Variants in NCAM1 observed in about 807,000 individuals in gnomAD.
NCAM1 encodes the protein neural cell adhesion molecule 1, also known as antigen recognized by monoclonal antibody 5.1H11.
NCAM1 carries 14 observed loss-of-function variants against 109.8 expected under a neutral mutation model. The ratio of observed to expected loss-of-function variants is 0.13; its 90% CI spans 0.08 to 0.20. NCAM1 has a LOEUF of 0.20. NCAM1 is among the 10% of genes least tolerant of loss of function. The pLI, the probability that NCAM1 is intolerant of heterozygous loss-of-function variation, is 1.00. For missense variants in NCAM1, 774 were observed against 1,109.9 expected, an observed-to-expected ratio of 0.70 and a Z score of 4.30; for synonymous variants, 418 against 442.9, an observed-to-expected ratio of 0.94 and a Z score of 0.70.
At chr11:113,168,489 C>G (rs1219021321) in intron 1 of NCAM1, among the ~76,000 whole-genome samples, 1 of 152,162 alleles carries the variant, frequency 6.6e-6, no homozygotes, top group Non-Finnish European at 1.5e-5. Flanking sequence ...TGCCTTATGA[C>G]AAAAGAAGGG....
intron 14 of NCAM1, among the ~76,000 whole-genome samples, chr11:113,241,291 T>C (rs569447142): frequency 6.6e-6 from 1 of 152,374 alleles, no homozygotes; most frequent in East Asian, 1.9e-4. Context: ...GGGAGGCCTG[T>C]AGCTTTCGCT....
chr11:113,068,619 G>C (rs12272878), intron 1 of NCAM1, among the ~76,000 whole-genome samples: 1 of 152,096 alleles, frequency 6.6e-6, no homozygotes, highest in Non-Finnish European at 1.5e-5. Flanking sequence ...TTAATTCCAC[G>C]GTCTAATCCT....
chr11:113,198,001 T>C (rs987817442), intron 1 of NCAM1, among the ~76,000 whole-genome samples: 2 of 152,188 alleles, frequency 1.3e-5, no homozygotes, highest in Non-Finnish European at 2.9e-5. Context: ...CTAAAAGAGT[T>C]GGCATTCCTT....
chr11:113,154,775 T>G (rs1470802655), intron 1 of NCAM1, among the ~76,000 whole-genome samples: 2 of 151,982 alleles, frequency 1.3e-5, no homozygotes, highest in Admixed American at 1.3e-4. Flanking sequence ...AATTGTAAGG[T>G]CATGAGGATA....
chr11:113,099,685 A>G (rs1043172529), intron 1 of NCAM1, among the ~76,000 whole-genome samples: 7 of 152,002 alleles, frequency 4.6e-5, no homozygotes, highest in African/African-American at 1.4e-4. Context: ...TTATGTATTT[A>G]TTTTTATTTA....
chr11:113,208,552 T>A (rs1944305791), intron 7 of NCAM1, among the ~76,000 whole-genome samples: 1 of 151,914 alleles, frequency 6.6e-6, no homozygotes, highest in Admixed American at 6.6e-5. Flanking sequence ...AGCTGCCTTC[T>A]TCTGATCCAC....
chr11:113,187,541 C>G (rs1169740881), intron 1 of NCAM1, among the ~76,000 whole-genome samples: 1 of 142,200 alleles, frequency 7.0e-6, no homozygotes, highest in African/African-American at 2.6e-5. Context: ...CACTGAGGAT[C>G]TGTGTGTGTG....
intron 1 of NCAM1, among the ~76,000 whole-genome samples, chr11:113,137,592 C>T (rs1283707185): frequency 1.3e-5 from 2 of 152,162 alleles, no homozygotes; most frequent in East Asian, 3.8e-4. Context: ...TCTTCAAAGA[C>T]TGATTTTGGC....
At chr11:113,222,506 G>T (rs1488842172) in intron 9 of NCAM1, among the ~76,000 whole-genome samples, 3 of 152,204 alleles carry the variant, frequency 2.0e-5, no homozygotes, top group African/African-American at 7.2e-5. Flanking sequence ...ACTGTTAAGT[G>T]CACAGCCTCA....
chr11:112,974,866 C>T (rs7944570), intron 1 of NCAM1, among the ~76,000 whole-genome samples: 1 of 151,534 alleles, frequency 6.6e-6, no homozygotes, highest in African/African-American at 2.4e-5. Context: ...TTAGTGGTAT[C>T]AGAGGCTCTA....
chr11:113,126,324 T>C (rs1229002990), intron 1 of NCAM1, among the ~76,000 whole-genome samples: 2 of 151,002 alleles, frequency 1.3e-5, no homozygotes, highest in African/African-American at 4.8e-5. Flanking sequence ...AGCTCTGGTC[T>C]CTGTGCCACT....
At chr11:113,062,046 T>C (rs1210197379) in intron 1 of NCAM1, among the ~76,000 whole-genome samples, 1 of 152,212 alleles carries the variant, frequency 6.6e-6, no homozygotes, top group Non-Finnish European at 1.5e-5. Flanking sequence ...GTCATCTGCC[T>C]GGAAGGTGGG....
intron 1 of NCAM1, among the ~76,000 whole-genome samples, chr11:113,144,019 G>C (rs1438243435): frequency 2.0e-5 from 3 of 152,188 alleles, no homozygotes; most frequent in African/African-American, 7.2e-5. Context: ...TGTGATAAGT[G>C]GGATCAATAT....
chr11:113,237,929 GATATATAGATAT>G lies in NCAM1; in HGVS notation c.1825+2781_1825+2792del, dbSNP rs1491082947. On this transcript the variant is annotated intron_variant, in intron 14 of 19. Coordinates refer to ENST00000316851, the MANE Select transcript of NCAM1 (RefSeq NM_181351.5). Reference sequence around the variant, plus strand: ...AGATATATATAGATATATAGATATAGATATATAGATATATATATAGATATATAGATAGATAGA... The same window carrying G: ...AGATATATATAGATATATAGATATAGATATATAGATATATAGATAGATAGA... 3.3e-4 allele frequency among the ~76,000 whole-genome samples: 6 copies of G among 18,426 alleles called. No homozygotes were observed. The East Asian group carries it at 0.041, about 124-fold the overall frequency. 12.1% of individuals were successfully genotyped at this position (18,426 alleles called of 152,430 possible).
chr11:113,231,031 C>G (rs893214982), intron 9 of NCAM1, among the ~76,000 whole-genome samples: 8 of 152,300 alleles, frequency 5.3e-5, no homozygotes, highest in Non-Finnish European at 8.8e-5. Flanking sequence ...GAGAGAGAAC[C>G]CAGTTACTCT....
intron 1 of NCAM1, among the ~76,000 whole-genome samples, chr11:113,091,680 G>A (rs1297153947): frequency 2.0e-5 from 3 of 152,172 alleles, no homozygotes; most frequent in African/African-American, 7.2e-5. Flanking sequence ...AGTGCTGCTG[G>A]TTCTTAAAAC....
chr11:113,104,207 T>TGGGGG (rs1345382907), intron 1 of NCAM1, among the ~76,000 whole-genome samples: 4 of 19,276 alleles, frequency 2.1e-4, no homozygotes, highest in East Asian at 1.2e-3. Context: ...GGAGGTGGGG[T>TGGGGG]GGGGGGGGGG....
At chr11:113,004,862 A>G (rs546431108) in intron 1 of NCAM1, among the ~76,000 whole-genome samples, 1 of 150,630 alleles carries the variant, frequency 6.6e-6, no homozygotes, top group East Asian at 2.0e-4. Flanking sequence ...CTAATTTTTA[A>G]AAATTTATTC....
At chr11:113,042,417 C>T (rs190102633) in intron 1 of NCAM1, among the ~76,000 whole-genome samples, 1 of 152,326 alleles carries the variant, frequency 6.6e-6, no homozygotes, top group Admixed American at 6.5e-5. Context: ...CCCTGTTCTC[C>T]TCTGGTTTGC....
Sources: allele counts gnomAD v4.1 joint callset (sites outside exome capture counted in the v4.1 genomes callset), GRCh38; gene constraint gnomAD v4.1.1; transcripts MANE v1.5; gene names NCBI Gene and HGNC (gene_info 2026-07-23, HGNC 2026-07-21).